GRIK3: variants seen among roughly 807,000 people sequenced by gnomAD.
The protein encoded by GRIK3 is glutamate ionotropic receptor kainate type subunit 3.
GRIK3 carries 29 observed loss-of-function variants against 102.5 expected under a neutral mutation model. The observed-to-expected ratio is 0.28, with a 90% CI of 0.21 to 0.39. GRIK3 has a LOEUF of 0.39. Ranked by LOEUF, GRIK3 falls within the 10% of genes least tolerant of loss-of-function variation. The pLI, the probability that GRIK3 is intolerant of heterozygous loss-of-function variation, is 1.00. For missense variants in GRIK3, 908 were observed against 1,252.4 expected (o/e 0.73, Z 4.15); for synonymous variants, 511 against 504.9 (o/e 1.01, Z -0.16).
At chr1:37,022,213 G>C (rs1326393756) in intron 1 of GRIK3, among the ~76,000 whole-genome samples, 1 of 152,218 alleles carries the variant, frequency 6.6e-6, no homozygotes, top group East Asian at 1.9e-4. Context: ...TAAAGACAGA[G>C]ACCTGACCTA....
intron 5 of GRIK3, among the ~76,000 whole-genome samples, chr1:36,864,327 G>A (rs1640759775): frequency 6.6e-6 from 1 of 152,190 alleles, no homozygotes; most frequent in South Asian, 2.1e-4. Context: ...ATGCAAGTTT[G>A]GGGCCAGGGC....
intron 7 of GRIK3, among the ~76,000 whole-genome samples, chr1:36,854,806 C>T (rs1404067299): frequency 6.6e-6 from 1 of 152,206 alleles, no homozygotes; most frequent in Non-Finnish European, 1.5e-5. Context: ...TCATGCCGTG[C>T]AACCTCCACA....
intron 1 of GRIK3, among the ~76,000 whole-genome samples, chr1:36,967,508 C>T (rs966048046): frequency 1.3e-5 from 2 of 152,158 alleles, no homozygotes; most frequent in African/African-American, 4.8e-5. Flanking sequence ...ACACTGACAC[C>T]AGGAAGCAGA....
chr1:36,958,182 G>GC (rs1274749390), intron 1 of GRIK3, among the ~76,000 whole-genome samples: 5,192 of 67,784 alleles, frequency 0.077, 4 homozygotes, highest in African/African-American at 0.11. Context: ...GTGAGTCTGT[G>GC]CCCCTGAGTC....
chr1:36,867,569 G>A (rs755031405), intron 5 of GRIK3, among the ~76,000 whole-genome samples: 4 of 152,140 alleles, frequency 2.6e-5, no homozygotes, highest in Non-Finnish European at 5.9e-5. Context: ...TGGGTAGAGA[G>A]AAAGAATGCT....
At chr1:36,844,419 A>G (rs1390552690) in intron 9 of GRIK3, among the ~76,000 whole-genome samples, 1 of 152,228 alleles carries the variant, frequency 6.6e-6, no homozygotes, top group Non-Finnish European at 1.5e-5. Flanking sequence ...CACTGCCTTC[A>G]TGCAAATTCA....
chr1:36,868,930 A>T (rs974782553), intron 5 of GRIK3, among the ~76,000 whole-genome samples: 17 of 152,194 alleles, frequency 1.1e-4, no homozygotes, highest in Non-Finnish European at 1.0e-4. Context: ...ACAGGGCTGC[A>T]GTGGCTGGGC....
chr1:36,847,305 A>G (rs1640530791), intron 9 of GRIK3, among the ~76,000 whole-genome samples: 1 of 152,230 alleles, frequency 6.6e-6, no homozygotes, highest in Non-Finnish European at 1.5e-5. Flanking sequence ...GCTGAGAAAC[A>G]CAACTATAAG....
intron 5 of GRIK3, among the ~76,000 whole-genome samples, chr1:36,866,147 T>G (rs1640782024): frequency 1.3e-5 from 2 of 152,236 alleles, no homozygotes; most frequent in African/African-American, 2.4e-5. Context: ...CCCAAAGAGT[T>G]GGGATTACTG....
intron 1 of GRIK3, among the ~76,000 whole-genome samples, chr1:36,966,115 G>T (rs1363436271): frequency 6.6e-6 from 1 of 152,234 alleles, no homozygotes; most frequent in African/African-American, 2.4e-5. Flanking sequence ...TATAGGACAT[G>T]CTAGCCAGGA....
At chr1:36,954,536 C>T (rs949955356) in intron 1 of GRIK3, among the ~76,000 whole-genome samples, 2 of 152,192 alleles carry the variant, frequency 1.3e-5, no homozygotes, top group Non-Finnish European at 2.9e-5. Flanking sequence ...CATTGTGTGG[C>T]ATGTGTGGGT....
intron 1 of GRIK3, among the ~76,000 whole-genome samples, chr1:36,911,573 G>A (rs1189026672): frequency 6.6e-6 from 1 of 152,050 alleles, no homozygotes; most frequent in Non-Finnish European, 1.5e-5. Context: ...GGGGTCCCAG[G>A]GGGACTCCTG....
At chr1:37,023,902 A>C (rs1391593005) in intron 1 of GRIK3, among the ~76,000 whole-genome samples, 3 of 152,268 alleles carry the variant, frequency 2.0e-5, no homozygotes, top group African/African-American at 7.2e-5. Flanking sequence ...AGAAACAATG[A>C]GTAAGAATAA....
chr1:36,952,004 C>G (rs1372237858), intron 1 of GRIK3, among the ~76,000 whole-genome samples: 2 of 152,182 alleles, frequency 1.3e-5, no homozygotes, highest in African/African-American at 4.8e-5. Flanking sequence ...TCCTGCCAGT[C>G]AGCCACCTCA....
At chr1:37,010,818 T>C (rs1164717989) in intron 1 of GRIK3, among the ~76,000 whole-genome samples, 1 of 147,190 alleles carries the variant, frequency 6.8e-6, no homozygotes, top group Non-Finnish European at 1.5e-5. Flanking sequence ...CTCGGCTCAC[T>C]GCAAGCTCCG....
chr1:37,031,557 G>A (rs1642828363), intron 1 of GRIK3, among the ~76,000 whole-genome samples: 1 of 152,194 alleles, frequency 6.6e-6, no homozygotes, highest in Admixed American at 6.5e-5. Flanking sequence ...GCCCTCTCCG[G>A]GCTGGTGCTC....
At chr1:36,917,215 G>GCTTAAAAATTCGAT (rs1641410971) in intron 1 of GRIK3, among the ~76,000 whole-genome samples, 1 of 152,190 alleles carries the variant, frequency 6.6e-6, no homozygotes, top group African/African-American at 2.4e-5. Context: ...TCTCCCATTT[G>GCTTAAAAATTCGAT]AAATGGCTGT....
rs147281696 is a variant in GRIK3 at position 36,814,246 on chromosome 1, G to A, written c.2091+2814C>T. ...AGGGAGGCAGGGACATCCAATCAGC[G>A]GCAATGAGCCTGCACCAGGCTTATT... On this transcript the variant is annotated intron_variant, in intron 13 of 15. Transcript: ENST00000373091. Among the ~76,000 whole-genome samples the A allele has an allele frequency of 1.6e-3, 246 of 152,250 alleles. 2 individuals are homozygous for A. In the East Asian group the frequency reaches 0.027, roughly 17 times the overall value.
intron 10 of GRIK3, among the ~76,000 whole-genome samples, chr1:36,830,401 C>G (rs1411199740): frequency 2.0e-5 from 3 of 151,396 alleles, no homozygotes; most frequent in African/African-American, 7.3e-5. Flanking sequence ...CCCCTGGTAC[C>G]TATGAGTATG....
Sources: gnomAD v4.1 joint callset for allele counts (sites outside exome capture counted in the v4.1 genomes callset) on GRCh38, gnomAD v4.1.1 for gene constraint, MANE v1.5 for transcripts, NCBI Gene and HGNC (gene_info 2026-07-23, HGNC 2026-07-21) for gene names.